MAPK9: variants seen among roughly 807,000 people sequenced by gnomAD.
The protein encoded by MAPK9 is Jun kinase.
MAPK9 carries 30 observed loss-of-function variants against 57.1 expected under a neutral mutation model. The ratio of observed to expected loss-of-function variants is 0.53; its 90% CI spans 0.39 to 0.71. The LOEUF is 0.71. Among genes scored for constraint, MAPK9 ranks in the 30% least tolerant of loss-of-function variants. The probability of loss-of-function intolerance (pLI) is 0.00; values close to 1 mark genes in which losing one functional copy is unlikely to be tolerated. For missense variants in MAPK9, 362 were observed against 521.0 expected, an observed-to-expected ratio of 0.69 and a Z score of 2.97; for synonymous variants, 155 against 177.0, an observed-to-expected ratio of 0.88 and a Z score of 0.99.
chr5:180,280,301 G>T, intron 2 of MAPK9, 139 bp downstream of exon 2: 1 of 1,094,246 alleles, frequency 9.1e-7, no homozygotes, highest in Non-Finnish European at 1.3e-6. Context: ...ACTAGAGCAA[G>T]CAGTTGATTC....
chr5:180,274,317 C>T (rs1257479208), intron 2 of MAPK9, among the ~76,000 whole-genome samples: 1 of 152,178 alleles, frequency 6.6e-6, no homozygotes, highest in Non-Finnish European at 1.5e-5. Context: ...AAGGGCTAAA[C>T]GTACTCATTA....
At chr5:180,265,087 T>C (rs917926775) in intron 3 of MAPK9, among the ~76,000 whole-genome samples, 1 of 152,198 alleles carries the variant, frequency 6.6e-6, no homozygotes, top group Non-Finnish European at 1.5e-5. Flanking sequence ...TTTAAACACA[T>C]AATGTCTTTT....
At chr5:180,252,743 C>T (rs117548689) in intron 5 of MAPK9, among the ~76,000 whole-genome samples, 47 of 152,262 alleles carry the variant, frequency 3.1e-4, no homozygotes, top group Non-Finnish European at 5.0e-4. Flanking sequence ...CAGACACAGA[C>T]GGCTCAGGAA....
chr5:180,261,831 G>GA lies in MAPK9; in HGVS notation c.312-10dup, dbSNP rs1189507362. On this transcript the variant is annotated splice_polypyrimidine_tract_variant and intron_variant, in intron 4 of 11. Transcript: ENST00000452135. ...ATTCCATAACCAAATACCTGAGGGA[G>GA]AAAAGGTCAGTTATTTATTTGAAAA... is the stretch of plus-strand genomic sequence containing the variant. 1 of 1,592,112 alleles carries GA rather than the reference G, an allele frequency of 6.3e-7. No individual in the cohort carries two copies. Among genetic ancestry groups the GA allele is most frequent in the South Asian group, 1.2e-5 (1 of 86,084 alleles).
chr5:180,247,702 A>T lies in MAPK9; in HGVS notation c.617-192T>A. 2.1e-6 allele frequency: 2 copies of T among 962,200 alleles called. No homozygotes were observed. Among genetic ancestry groups the T allele is most frequent in the Non-Finnish European group, 3.3e-6 (2 of 614,040 alleles). 59.6% of individuals were successfully genotyped at this position (962,200 alleles called of 1,614,324 possible). A position where few individuals can be genotyped will look rare whatever the true frequency, so the allele number is the denominator to read the frequency against. On this transcript the variant is annotated intron_variant, in intron 6 of 11. Transcript: ENST00000452135. This position sits in a 1 kb window ranked among gnomAD's most constrained non-coding sequence, Gnocchi z 4.5. ...TCGGTTTGTAGCAATCTGGGGTTTT[A>T]GTGCCAAAGAGTCCAATACTTTATA...
rs1241033518 is a variant in MAPK9, at chr5:180,277,922, G to C, written c.122+2518C>G. ...AGGAAGCGAAAATCACTTATAAAGT[G>C]TTTACTTTCCCTATTAGAACATAAG... On this transcript the variant is annotated intron_variant, in intron 2 of 11. Transcript: ENST00000452135. 2.0e-5 allele frequency among the ~76,000 whole-genome samples: 3 copies of C among 152,136 alleles called. No individual in the cohort carries two copies. In the East Asian group the frequency reaches 5.8e-4, roughly 29 times the overall value.
chr5:180,267,522 A>G (rs992000264), intron 3 of MAPK9, among the ~76,000 whole-genome samples: 2 of 146,176 alleles, frequency 1.4e-5, no homozygotes, highest in Admixed American at 7.2e-5. Context: ...AGATCGCGCC[A>G]CTGCCCTCCA....
intron 4 of MAPK9, among the ~76,000 whole-genome samples, chr5:180,262,444 T>C (rs1581234781): frequency 6.6e-6 from 1 of 152,106 alleles, no homozygotes; most frequent in Non-Finnish European, 1.5e-5. Context: ...TTAAATTTTT[T>C]TGAGACAGGG....
In MAPK9 at chr5:180,242,591, C is replaced by G; in HGVS notation, c.853G>C (p.Glu285Gln). The change falls in exon 8 of 12, where the codon GAG becomes CAG. Residue 285 changes from glutamate (E) to glutamine (Q), a missense_variant. Physicochemically the swap from Glu to Gln is conservative, Grantham distance 29. Around this residue, in one of 3 missense-constraint regions of MAPK9, gnomAD observed 199 missense variants for 251.3 expected, o/e 0.79. Transcript: ENST00000452135. ...ATCTTACTTTTTATTTTGTCTCGCT[C>G]AGATTCTGATGGGAATATCCAATCT... ...FPDWIFPSES[E>Q]RDKIKTSQAR... is the part of the protein sequence containing the mutation. 1 of 1,612,572 alleles carries G rather than the reference C, an allele frequency of 6.2e-7. No individual in the cohort carries two copies. Among genetic ancestry groups the G allele is most frequent in the East Asian group, 2.2e-5 (1 of 44,854 alleles).
chr5:180,271,076 T>C (rs1761259908), intron 2 of MAPK9, among the ~76,000 whole-genome samples: 1 of 152,176 alleles, frequency 6.6e-6, no homozygotes, highest in African/African-American at 2.4e-5. Context: ...TTAAAAAGTA[T>C]GTGAGGTAAT....
At chr5:180,282,615 C>A (rs1172971344) in intron 1 of MAPK9, among the ~76,000 whole-genome samples, 1 of 152,170 alleles carries the variant, frequency 6.6e-6, no homozygotes, top group African/African-American at 2.4e-5. Flanking sequence ...CCAGACACAG[C>A]GAACTGCTGA....
intron 5 of MAPK9, among the ~76,000 whole-genome samples, chr5:180,253,193 C>T (rs886231893): frequency 3.9e-5 from 6 of 152,204 alleles, no homozygotes; most frequent in African/African-American, 7.2e-5. Flanking sequence ...AGAGCTGCAC[C>T]GCAGTCTGGA....
chr5:180,263,706 CTT>C (rs61215315), intron 4 of MAPK9, among the ~76,000 whole-genome samples: 5 of 127,260 alleles, frequency 3.9e-5, no homozygotes, highest in Non-Finnish European at 6.4e-5. Context: ...GCACCAAATT[CTT>C]TTTTTTTTTT....
At chr5:180,266,925 C>T (rs1025572671) in intron 3 of MAPK9, among the ~76,000 whole-genome samples, 2 of 152,138 alleles carry the variant, frequency 1.3e-5, no homozygotes, top group Non-Finnish European at 2.9e-5. Flanking sequence ...CTGCTTATAA[C>T]AGTGAGAAAC....
intron 9 of MAPK9, 37 bp downstream of exon 9, chr5:180,240,994 G>T: frequency 6.3e-7 from 1 of 1,586,124 alleles, no homozygotes; most frequent in African/African-American, 1.4e-5. Flanking sequence ...TATAAGCCTG[G>T]CCTCTCTATA....
chr5:180,288,113 T>G (rs1184105570), intron 1 of MAPK9, among the ~76,000 whole-genome samples: 2 of 152,142 alleles, frequency 1.3e-5, no homozygotes, highest in South Asian at 4.1e-4. Context: ...CACAGCCCAC[T>G]TAGGAAGGCA....
chr5:180,279,511 G>A (rs975391597), intron 2 of MAPK9, among the ~76,000 whole-genome samples: 1 of 152,028 alleles, frequency 6.6e-6, no homozygotes, highest in Admixed American at 6.6e-5. Context: ...AAAAATCATC[G>A]TTAAAGATTC....
chr5:180,265,698 C>A (rs558734521), intron 3 of MAPK9, among the ~76,000 whole-genome samples: 28 of 152,286 alleles, frequency 1.8e-4, no homozygotes, highest in African/African-American at 6.7e-4. Context: ...AGTACACAGC[C>A]CATGGTGTAA....
chr5:180,247,352 T>C lies in MAPK9; in HGVS notation c.688+87A>G. 1 of 1,514,992 alleles carries C rather than the reference T, an allele frequency of 6.6e-7. No individual in the cohort carries two copies. Among genetic ancestry groups the C allele is most frequent in the Non-Finnish European group, 9.2e-7 (1 of 1,091,178 alleles). The allele number at this position is 1,514,992 out of a possible 1,614,324, so 93.8% of individuals were successfully genotyped here. On this transcript the variant is annotated intron_variant, in intron 7 of 11. Coordinates refer to ENST00000452135, the MANE Select transcript of MAPK9 (RefSeq NM_002752.5). This position sits in a 1 kb window ranked among gnomAD's most constrained non-coding sequence, Gnocchi z 4.5. ...GTCTGGAGTGGATTTTACGACTTTG[T>C]CCTCGTGAGCGCTCGTGTAAGCAGG... is the stretch of plus-strand genomic sequence containing the variant.
Sources: gnomAD v4.1 joint callset for allele counts (sites outside exome capture counted in the v4.1 genomes callset) on GRCh38, gnomAD v4.1.1 for gene constraint, gnomAD v4.1.1 regional missense constraint, Gnocchi (gnomAD v3.1) non-coding constraint, MANE v1.5 for transcripts, NCBI Gene and HGNC (gene_info 2026-07-23, HGNC 2026-07-21) for gene names.